Variants in ELP4 observed in about 807,000 individuals in gnomAD.
ELP4 encodes elongator acetyltransferase complex subunit 4.
A neutral mutation model predicts 48.9 loss-of-function variants in ELP4; 51 were observed. The ratio of observed to expected loss-of-function variants is 1.04; its 90% confidence interval spans 0.83 to 1.32. The LOEUF is 1.32. ELP4 is among the 40% of genes most tolerant of loss of function. The pLI is 0.00. For synonymous variants in ELP4, 210 were observed against 189.2 expected (o/e 1.11, Z -0.90); for missense variants, 519 against 514.6 (o/e 1.01, Z -0.08).
chr11:31,601,362 T>A (rs369872444), intron 4 of ELP4, among the ~76,000 whole-genome samples: 1 of 152,126 alleles, frequency 6.6e-6, no homozygotes, highest in East Asian at 1.9e-4. Context: ...AAGTTTTTCA[T>A]CAGCAATAAA....
At chr11:31,659,115 G>A (rs1945501535) in intron 9 of ELP4, among the ~76,000 whole-genome samples, 1 of 151,972 alleles carries the variant, frequency 6.6e-6, no homozygotes, top group Non-Finnish European at 1.5e-5. Context: ...TAGAATTGTG[G>A]ACCATAATAA....
At chr11:31,542,945 G>A (rs1186087405) in intron 3 of ELP4, among the ~76,000 whole-genome samples, 1 of 152,126 alleles carries the variant, frequency 6.6e-6, no homozygotes, top group Non-Finnish European at 1.5e-5. Flanking sequence ...TGGAAACATG[G>A]AAGATGTAAA....
chr11:31,738,859 A>T (rs1947382883), intron 9 of ELP4, among the ~76,000 whole-genome samples: 1 of 152,230 alleles, frequency 6.6e-6, no homozygotes, highest in Non-Finnish European at 1.5e-5. Context: ...ATATATGAGC[A>T]TTTAAAACAG....
intron 9 of ELP4, among the ~76,000 whole-genome samples, chr11:31,725,144 C>T (rs1947050223): frequency 6.6e-6 from 1 of 152,142 alleles, no homozygotes; most frequent in African/African-American, 2.4e-5. Context: ...ACCTCTGAGG[C>T]AGGAATCCAA....
intron 9 of ELP4, among the ~76,000 whole-genome samples, chr11:31,706,740 C>T (rs1381083554): frequency 6.6e-6 from 1 of 151,750 alleles, no homozygotes; most frequent in Non-Finnish European, 1.5e-5. Context: ...TTCCACCTAC[C>T]CATCCCAACA....
intron 6 of ELP4, 56 bp from the exon 7 acceptor site, chr11:31,632,161 G>A (rs1944874103): frequency 2.2e-6 from 3 of 1,391,248 alleles, no homozygotes; most frequent in Non-Finnish European, 2.9e-6. Context: ...GATAAAAGTG[G>A]TATTCTATTG....
chr11:31,748,424 T>C (rs1316211794), intron 9 of ELP4, among the ~76,000 whole-genome samples: 1 of 152,004 alleles, frequency 6.6e-6, no homozygotes, highest in Non-Finnish European at 1.5e-5. Context: ...TTTGTATTTT[T>C]AGTAGAGACG....
intron 9 of ELP4, among the ~76,000 whole-genome samples, chr11:31,725,719 G>A (rs11031461): frequency 0.037 from 5,579 of 152,224 alleles, 160 homozygotes; most frequent in Non-Finnish European, 0.059. Flanking sequence ...ATTCCTTCCC[G>A]AAACTTCTTA....
At chr11:31,651,502 T>A (rs1305267590) in intron 9 of ELP4, 1 of 151,760 alleles carries the variant, frequency 6.6e-6, no homozygotes. Flanking sequence ...TGAGCTAATT[T>A]GCTTTAGTTC....
At chr11:31,747,061 G>A (rs1194192449) in intron 9 of ELP4, among the ~76,000 whole-genome samples, 1 of 152,004 alleles carries the variant, frequency 6.6e-6, no homozygotes, top group African/African-American at 2.4e-5. Context: ...GTGTTTGTGT[G>A]TGTCTGTGTC....
At chr11:31,536,017 C>T (rs974970460) in intron 2 of ELP4, among the ~76,000 whole-genome samples, 4 of 152,092 alleles carry the variant, frequency 2.6e-5, no homozygotes, top group Non-Finnish European at 5.9e-5. Context: ...CATGGAGTAT[C>T]CTAGATATCC....
chr11:31,514,846 A>G (rs1956077842), intron 1 of ELP4, among the ~76,000 whole-genome samples: 1 of 152,122 alleles, frequency 6.6e-6, no homozygotes, highest in African/African-American at 2.4e-5. Flanking sequence ...GGCTACAAAC[A>G]TTCAAACTTT....
At chr11:31,728,607 T>C (rs934913477) in intron 9 of ELP4, among the ~76,000 whole-genome samples, 3 of 152,194 alleles carry the variant, frequency 2.0e-5, no homozygotes, top group Admixed American at 1.3e-4. Context: ...TCTAAGTCTT[T>C]GCAGCAGTGC....
chr11:31,573,669 C>T (rs976298113), intron 3 of ELP4: 1 of 152,102 alleles, frequency 6.6e-6, no homozygotes. Flanking sequence ...CTCATTTAAA[C>T]TTAGTTATTT....
At chr11:31,721,902 G>A (rs1946968862) in intron 9 of ELP4, among the ~76,000 whole-genome samples, 2 of 152,118 alleles carry the variant, frequency 1.3e-5, no homozygotes, top group South Asian at 4.1e-4. Context: ...TTGTTGTAAT[G>A]ATAATGAGTT....
intron 5 of ELP4, among the ~76,000 whole-genome samples, chr11:31,604,731 A>G (rs1957842195): frequency 6.6e-6 from 1 of 151,912 alleles, no homozygotes; most frequent in African/African-American, 2.4e-5. Flanking sequence ...TGTTCTAAAA[A>G]TAATACCTGA....
chr11:31,685,494 T>C (rs1946142046), intron 9 of ELP4, among the ~76,000 whole-genome samples: 1 of 152,214 alleles, frequency 6.6e-6, no homozygotes, highest in African/African-American at 2.4e-5. Flanking sequence ...AATGCAATAG[T>C]GCAATTACTT....
intron 9 of ELP4, among the ~76,000 whole-genome samples, chr11:31,755,523 T>C (rs1328383721): frequency 5.3e-5 from 8 of 152,212 alleles, no homozygotes; most frequent in Non-Finnish European, 7.3e-5. Flanking sequence ...ATTATTTTTT[T>C]AGCAGTCTTG....
chr11:31,546,334 C>A (rs1956714389), intron 3 of ELP4, among the ~76,000 whole-genome samples: 1 of 152,022 alleles, frequency 6.6e-6, no homozygotes, highest in Non-Finnish European at 1.5e-5. Context: ...GGGTTGCAAT[C>A]CGAGTCTCTG....
Sources: gnomAD v4.1 joint callset for allele counts (sites outside exome capture counted in the v4.1 genomes callset) on GRCh38, gnomAD v4.1.1 for gene constraint, MANE v1.5 for transcripts, NCBI Gene and HGNC (gene_info 2026-07-23, HGNC 2026-07-21) for gene names.